SORCS3: variants seen among roughly 807,000 people sequenced by gnomAD.
SORCS3 encodes the protein VPS10 domain-containing receptor SorCS3.
A neutral mutation model predicts 146.3 loss-of-function variants in SORCS3; 57 were observed. That is an observed-to-expected ratio of 0.39 (90% confidence interval 0.31 to 0.49). The LOEUF is 0.49. SORCS3 is among the 20% of genes least tolerant of loss of function. The probability of loss-of-function intolerance (pLI) is 0.92; values close to 1 mark genes in which losing one functional copy is unlikely to be tolerated. For synonymous variants in SORCS3, 653 were observed against 618.5 expected (o/e 1.06, Z -0.83); for missense variants, 1,341 against 1,575.5 (o/e 0.85, Z 2.52).
intron 2 of SORCS3, among the ~76,000 whole-genome samples, chr10:104,863,503 T>C (rs2018427428): frequency 6.6e-6 from 1 of 152,234 alleles, no homozygotes; most frequent in South Asian, 2.1e-4. Context: ...TCTGCTTTTC[T>C]ACCCACTCAT....
At chr10:104,791,235 T>A (rs2017492370) in intron 1 of SORCS3, among the ~76,000 whole-genome samples, 1 of 152,178 alleles carries the variant, frequency 6.6e-6, no homozygotes, top group Non-Finnish European at 1.5e-5. Context: ...AGGCTAGATC[T>A]TGGGGCAGGC....
At chr10:105,108,679 T>G (rs539343337) in intron 7 of SORCS3, among the ~76,000 whole-genome samples, 2 of 152,282 alleles carry the variant, frequency 1.3e-5, no homozygotes, top group East Asian at 3.9e-4. Context: ...GGATTAACAA[T>G]GCCCCAAATA....
chr10:105,192,163 G>T (rs530197998), intron 14 of SORCS3, among the ~76,000 whole-genome samples: 1 of 152,082 alleles, frequency 6.6e-6, no homozygotes, highest in African/African-American at 2.4e-5. Context: ...AAACAAAACC[G>T]TGAGTTCTTT....
In SORCS3 at chr10:105,011,517, C is replaced by T. The variant is rs139849999; in HGVS notation, c.955-31538C>T. Among the ~76,000 whole-genome samples the T allele has an allele frequency of 9.2e-3, 1,402 of 152,084 alleles. 13 individuals are homozygous for T. Among genetic ancestry groups the T allele is most frequent in the African/African-American group, 0.021 (871 of 41,514 alleles). On this transcript the variant is annotated intron_variant, in intron 4 of 26. Transcript: ENST00000369701. ...ATCAACAGTTCATTCCTTTTTATTG[C>T]TGAGTAGGTTATGATGTTTTAAGGT...
At chr10:104,908,789 A>G (rs1227069434) in intron 2 of SORCS3, among the ~76,000 whole-genome samples, 1 of 152,220 alleles carries the variant, frequency 6.6e-6, no homozygotes, top group Non-Finnish European at 1.5e-5. Flanking sequence ...GGTGGGAATT[A>G]TAGGAAAGAT....
At chr10:104,792,994 C>T (rs965483855) in intron 1 of SORCS3, among the ~76,000 whole-genome samples, 7 of 152,150 alleles carry the variant, frequency 4.6e-5, no homozygotes, top group Non-Finnish European at 1.0e-4. Context: ...GGAGAGGAGC[C>T]TTGGAATGTG....
intron 20 of SORCS3, among the ~76,000 whole-genome samples, chr10:105,242,939 T>A (rs1486412332): frequency 8.4e-6 from 1 of 119,274 alleles, no homozygotes; most frequent in Admixed American, 1.1e-4. Flanking sequence ...ATAAATTATA[T>A]ATAATATATG....
At chr10:105,027,412 A>G (rs2055238434) in intron 4 of SORCS3, among the ~76,000 whole-genome samples, 1 of 152,244 alleles carries the variant, frequency 6.6e-6, no homozygotes, top group Admixed American at 6.5e-5. Context: ...TACCACTGAC[A>G]TGCTCTATCC....
intron 5 of SORCS3, among the ~76,000 whole-genome samples, chr10:105,067,553 C>T (rs1171773743): frequency 1.3e-5 from 2 of 152,160 alleles, no homozygotes; most frequent in African/African-American, 4.8e-5. Flanking sequence ...TCAATTTTTT[C>T]CTTTTCCACT....
chr10:105,235,703 CT>C (rs1352949594), intron 20 of SORCS3, among the ~76,000 whole-genome samples: 1 of 151,844 alleles, frequency 6.6e-6, no homozygotes, highest in Non-Finnish European at 1.5e-5. Context: ...TATCCCCAGT[CT>C]TTTTTAGGGA....
intron 2 of SORCS3, among the ~76,000 whole-genome samples, chr10:104,860,695 C>T (rs1015904203): frequency 2.6e-5 from 4 of 152,126 alleles, no homozygotes; most frequent in Middle Eastern, 3.2e-3. Context: ...ATGTTTAACT[C>T]ATTGCTATAA....
chr10:104,724,561 T>C (rs1162627002), intron 1 of SORCS3, among the ~76,000 whole-genome samples: 2 of 152,240 alleles, frequency 1.3e-5, no homozygotes, highest in African/African-American at 2.4e-5. Flanking sequence ...GATAATATCC[T>C]GCAGAGTGTT....
intron 1 of SORCS3, among the ~76,000 whole-genome samples, chr10:104,751,923 G>GAATATATA (rs1564675362): frequency 2.0e-3 from 44 of 21,752 alleles, no homozygotes; most frequent in Non-Finnish European, 3.5e-3. Flanking sequence ...CTAATAGGAA[G>GAATATATA]CATATATATA....
chr10:104,835,988 C>T (rs1184747734), intron 1 of SORCS3, among the ~76,000 whole-genome samples: 2 of 152,170 alleles, frequency 1.3e-5, no homozygotes, highest in Admixed American at 1.3e-4. Context: ...GTTGTTCGGG[C>T]ACATGCAGGA....
chr10:105,231,290 C>G (rs576524076), intron 20 of SORCS3, among the ~76,000 whole-genome samples: 3 of 152,162 alleles, frequency 2.0e-5, no homozygotes, highest in Non-Finnish European at 4.4e-5. Context: ...TCCTTGGTAT[C>G]GTGTTTTTAA....
rs79779394 is a variant in SORCS3, at chr10:105,089,860, G to A, written c.1093+21G>A. ...TGGATGTGAGTTCTGCTACAGCCAG[G>A]CTAGGCCCAGGGAGATCTGCCTGCA... On this transcript the variant is annotated intron_variant, in intron 6 of 26. Coordinates refer to ENST00000369701, the MANE Select transcript of SORCS3 (RefSeq NM_014978.3). 12,835 of 1,607,288 alleles carry A rather than the reference G, an allele frequency of 8.0e-3. 84 individuals are homozygous for A. Among genetic ancestry groups the A allele is most frequent in the Middle Eastern group, 0.026 (156 of 6,032 alleles).
chr10:105,031,316 AACACACACACACACAAACACAC>A (rs1476693177), intron 4 of SORCS3, among the ~76,000 whole-genome samples: 1 of 117,906 alleles, frequency 8.5e-6, no homozygotes, highest in Non-Finnish European at 1.7e-5. Context: ...ACAAACAAAC[AACACACACACACACAAACACAC>A]ACACACACAC....
At chr10:105,058,039 C>T (rs2055457730) in intron 5 of SORCS3, among the ~76,000 whole-genome samples, 2 of 152,196 alleles carry the variant, frequency 1.3e-5, no homozygotes, top group Non-Finnish European at 2.9e-5. Flanking sequence ...ATGTCATATT[C>T]CGACATTCTC....
intron 19 of SORCS3, among the ~76,000 whole-genome samples, chr10:105,218,426 T>G (rs1040288291): frequency 2.6e-5 from 4 of 152,250 alleles, no homozygotes; most frequent in Admixed American, 2.6e-4. Flanking sequence ...TGCTAGGCAC[T>G]GGGAGGTAAC....
Sources: allele counts gnomAD v4.1 joint callset (sites outside exome capture counted in the v4.1 genomes callset), GRCh38; gene constraint gnomAD v4.1.1; transcripts MANE v1.5; gene names NCBI Gene and HGNC (gene_info 2026-07-23, HGNC 2026-07-21).